Variants in SPAG9 observed in about 807,000 individuals in gnomAD.
SPAG9 encodes the protein sperm associated antigen 9, also known as C-Jun-amino-terminal kinase-interacting protein 4.
In SPAG9, 35 loss-of-function variants were observed where a neutral mutation model predicts 166.5. The observed-to-expected ratio is 0.21, with a 90% confidence interval of 0.16 to 0.28. The LOEUF (loss-of-function observed/expected upper bound fraction) is 0.28. Ranked by LOEUF, SPAG9 falls within the 10% of genes least tolerant of loss-of-function variation. The pLI, the probability that SPAG9 is intolerant of heterozygous loss-of-function variation, is 1.00. For synonymous variants in SPAG9, 534 were observed against 565.5 expected, an observed-to-expected ratio of 0.94 and a Z score of 0.79; for missense variants, 1,235 against 1,603.3, an observed-to-expected ratio of 0.77 and a Z score of 3.92.
chr17:51,115,660 A>T (rs2049266158), intron 1 of SPAG9, among the ~76,000 whole-genome samples: 1 of 151,746 alleles, frequency 6.6e-6, no homozygotes, highest in Non-Finnish European at 1.5e-5. Context: ...CAGAAACCCC[A>T]ACTCCACTAA....
chr17:50,996,749 C>G, intron 15 of SPAG9, 55 bp from the exon 16 acceptor site: 1 of 1,574,486 alleles, frequency 6.4e-7, no homozygotes. Context: ...TACGTTTATC[C>G]CCAGTTTTAT....
chr17:50,998,022 ATTTTTTTTT>A (rs563896612), intron 15 of SPAG9, among the ~76,000 whole-genome samples: 7 of 90,804 alleles, frequency 7.7e-5, no homozygotes, highest in East Asian at 3.1e-4. Flanking sequence ...TACAGAAATG[ATTTTTTTTT>A]TTTTTTTTTT....
chr17:51,013,532 C>T (rs2045575777), intron 9 of SPAG9, among the ~76,000 whole-genome samples: 1 of 152,188 alleles, frequency 6.6e-6, no homozygotes, highest in African/African-American at 2.4e-5. Flanking sequence ...TTTATTTACA[C>T]ACGCACACAA....
At chr17:51,026,194 T>C (rs1251741662) in intron 6 of SPAG9, among the ~76,000 whole-genome samples, 2 of 152,024 alleles carry the variant, frequency 1.3e-5, no homozygotes, top group Non-Finnish European at 2.9e-5. Flanking sequence ...AAAAATTGTA[T>C]TTAGTAATTT....
At chr17:51,037,689 T>TATATATATATATATATATATATATA (rs1568028348) in intron 5 of SPAG9, among the ~76,000 whole-genome samples, 42 of 82,510 alleles carry the variant, frequency 5.1e-4, no homozygotes, top group African/African-American at 6.3e-4. Flanking sequence ...ATATATAGTG[T>TATATATATATATATATATATATATA]GTGTGTGTGT....
chr17:51,054,680 C>G (rs1296184341), intron 3 of SPAG9, among the ~76,000 whole-genome samples: 1 of 151,946 alleles, frequency 6.6e-6, no homozygotes, highest in African/African-American at 2.4e-5. Flanking sequence ...TCATGATCCA[C>G]CCACCTCGGC....
rs560661826 is a variant in SPAG9, at chr17:51,076,778, A to G, written c.424+2806T>C. ...AAAGAAAACTTTGTGTACCCTGCAG[A>G]TATCAACAAGAAAACTTAATACGTA... On this transcript the variant is annotated intron_variant, in intron 2 of 29. Transcript: ENST00000262013. 1.4e-4 allele frequency among the ~76,000 whole-genome samples: 21 copies of G among 152,032 alleles called. No homozygotes were observed. The South Asian group carries it at 3.9e-3, about 29-fold the overall frequency.
rs756523687 is a variant in SPAG9 at position 50,995,094 on chromosome 17, G to C, written c.2189C>G (p.Ser730Cys). The change falls in exon 18 of 30, where the codon TCT (serine) becomes TGT (cysteine). Residue 730 changes from serine (S) to cysteine (C), a missense_variant. This residue lies in a region of SPAG9 where 493 missense variants were observed against 559.4 expected (regional missense o/e 0.88). Coordinates refer to ENST00000262013, the MANE Select transcript of SPAG9 (RefSeq NM_001130528.3). ...DTEGSKQRSASQSSLDKLDQE... is the reference protein window; with the variant it reads ...DTEGSKQRSACQSSLDKLDQE... ...ATCTAACTTATCTAAACTACTCTGA[G>C]AGGCACTTCGCTGTTTACTGCCTTC... 3 of 1,613,814 alleles carry C rather than the reference G, an allele frequency of 1.9e-6. No homozygotes were observed. The highest frequency in any genetic ancestry group is 2.5e-6 in the Non-Finnish European group (3 of 1,179,922).
chr17:50,976,004 G>T, intron 27 of SPAG9: 1 of 861,976 alleles, frequency 1.2e-6, no homozygotes, highest in Non-Finnish European at 1.9e-6. Flanking sequence ...GGTAAACCTG[G>T]TGCTCAAAGC....
At chr17:50,986,277 G>T (rs1975043112) in intron 22 of SPAG9, among the ~76,000 whole-genome samples, 1 of 152,198 alleles carries the variant, frequency 6.6e-6, no homozygotes, top group Admixed American at 6.5e-5. Context: ...AGATTTATAT[G>T]AAATTCAAAC....
intron 2 of SPAG9, among the ~76,000 whole-genome samples, chr17:51,075,013 A>T (rs1221586955): frequency 6.6e-6 from 1 of 151,834 alleles, no homozygotes; most frequent in Non-Finnish European, 1.5e-5. Flanking sequence ...CCTGGCCAAC[A>T]TAGTGAAACC....
At chr17:51,054,184 T>C (rs1285305301) in intron 3 of SPAG9, among the ~76,000 whole-genome samples, 1 of 144,270 alleles carries the variant, frequency 6.9e-6, no homozygotes, top group African/African-American at 2.6e-5. Context: ...TGGCACAATA[T>C]TGGCTCACTG....
chr17:51,056,374 T>G, intron 3 of SPAG9, 38 bp downstream of exon 3: 1 of 1,155,410 alleles, frequency 8.7e-7, no homozygotes, highest in Non-Finnish European at 1.3e-6. Flanking sequence ...TTTCTTTGTC[T>G]CAATAATAGC....
At position 50,964,620 on chromosome 17, in the gene SPAG9, C is replaced by A; in HGVS notation, c.*1652G>T. 3.2e-6 allele frequency: 1 copy of A among 309,266 alleles called. No individual in the cohort carries two copies. 19.2% of individuals were successfully genotyped at this position (309,266 alleles called of 1,614,324 possible). ...AAAAAAAAAATCATATTTAGCTTTG[C>A]CTAGAGTAATAGATAAAAAAGGGTA... is the stretch of plus-strand genomic sequence containing the variant. On this transcript the variant is annotated 3_prime_UTR_variant, in exon 30 of 30. Transcript: ENST00000262013.
chr17:51,108,751 C>T (rs1479787534), intron 1 of SPAG9, among the ~76,000 whole-genome samples: 6 of 152,146 alleles, frequency 3.9e-5, no homozygotes, highest in African/African-American at 1.2e-4. Context: ...CCTTCCTTGG[C>T]CTCCCAAACT....
chr17:50,999,063 T>A (rs1195229000), intron 14 of SPAG9, among the ~76,000 whole-genome samples: 1 of 152,234 alleles, frequency 6.6e-6, no homozygotes, highest in Non-Finnish European at 1.5e-5. Flanking sequence ...GAACACATAT[T>A]ACCATGTTAA....
In SPAG9 at chr17:50,995,463, T is replaced by A. The variant is rs1236290873; in HGVS notation, c.2039A>T (p.Glu680Val). 1.9e-6 allele frequency: 3 copies of A among 1,608,600 alleles called. No individual in the cohort carries two copies. The highest frequency in any genetic ancestry group is 2.7e-5 in the African/African-American group (2 of 74,802). Residue 680 changes from glutamate to valine, a missense_variant, in exon 17 of 30, where the codon GAA becomes GTA. Transcript: ENST00000262013. Reference protein sequence around the residue: ...PVPVYLRPLDEKDTSMKLWCA... With the variant: ...PVPVYLRPLDVKDTSMKLWCA... ...ACTTACCTTCATTGATGTATCTTTT[T>A]CATCCAGAGGTCTGAGATAGACAGG... is the stretch of plus-strand genomic sequence containing the variant.
At chr17:51,014,933 A>G (rs1468204036) in intron 8 of SPAG9, among the ~76,000 whole-genome samples, 1 of 152,066 alleles carries the variant, frequency 6.6e-6, no homozygotes, top group African/African-American at 2.4e-5. Context: ...GGAATGGGGA[A>G]GTGTATATGT....
intron 1 of SPAG9, among the ~76,000 whole-genome samples, chr17:51,082,068 G>A (rs2048179301): frequency 6.6e-6 from 1 of 151,820 alleles, no homozygotes. Context: ...GGCTTCTTTG[G>A]CCAACCTATT....
Sources: gnomAD v4.1 joint callset for allele counts (sites outside exome capture counted in the v4.1 genomes callset) on GRCh38, gnomAD v4.1.1 for gene constraint, gnomAD v4.1.1 regional missense constraint, MANE v1.5 for transcripts, NCBI Gene and HGNC (gene_info 2026-07-23, HGNC 2026-07-21) for gene names.